TRIM58: variants seen among roughly 807,000 people sequenced by gnomAD.
TRIM58 encodes the protein E3 ubiquitin-protein ligase TRIM58.
In TRIM58, 38 loss-of-function variants were observed where a neutral mutation model predicts 34.1. The ratio of observed to expected loss-of-function variants is 1.12; its 90% confidence interval spans 0.86 to 1.46. The LOEUF (loss-of-function observed/expected upper bound fraction) is 1.46, where lower values mean the gene tolerates loss of function less well. TRIM58 is among the 40% of genes most tolerant of loss of function. TRIM58 has a pLI of 0.00. For missense variants in TRIM58, 677 were observed against 642.0 expected (o/e 1.05, Z -0.59); for synonymous variants, 273 against 275.7 (o/e 0.99, Z 0.10).
At position 247,864,790 on chromosome 1, in the gene TRIM58, TGAGGCGGCTG is replaced by T. The variant is rs756352053; in HGVS notation, c.610_619del (p.Leu204ArgfsTer23). ...CTGGCCCAGGAGGAGCAACGGCAGC[TGAGGCGGCTG>T]GAGGCGGAGGAGCGAGCGACGCTGC... On this transcript the variant is annotated frameshift_variant, in exon 3 of 6. Coordinates refer to ENST00000366481, the MANE Select transcript of TRIM58 (RefSeq NM_015431.4). LOFTEE classifies it high-confidence loss of function. The T allele has an allele frequency of 3.1e-5, 50 of 1,614,106 alleles. No homozygotes were observed. The East Asian group carries it at 1.1e-3, about 35-fold the overall frequency.
At position 247,864,847 on chromosome 1, in the gene TRIM58, G is replaced by A; in HGVS notation, c.659G>A (p.Ser220Asn). The A allele has an allele frequency of 5.0e-6, 8 of 1,612,864 alleles. No homozygotes were observed. Among genetic ancestry groups the A allele is most frequent in the African/African-American group, 1.3e-5 (1 of 75,034 alleles). ...CTGCAGAGACTGCGGGAGAGCAAGA[G>A]CCGGCTGGTCCAGCAGAGCAAGGCC... ...ATLQRLRESK[S>N]RLVQQSKALK... Residue 220 changes from serine to asparagine, a missense_variant, in exon 3 of 6, where the codon AGC (serine) becomes AAC (asparagine). Coordinates refer to ENST00000366481, the MANE Select transcript of TRIM58 (RefSeq NM_015431.4).
rs566384399 is a variant in TRIM58 at position 247,878,701 on chromosome 1, A to G, written c.*2212A>G. On this transcript the variant is annotated 3_prime_UTR_variant, in exon 6 of 6. Transcript: ENST00000366481. The stretch of plus-strand genomic sequence containing the variant: ...GGGGAAGCCCTGGGTGGGAGGGAGA[A>G]CACCTCCACATGTCTTCTACTCTCT... 1.2e-3 allele frequency among the ~76,000 whole-genome samples: 189 copies of G among 152,210 alleles called. 2 individuals carry two copies. The highest frequency in any genetic ancestry group is 5.8e-3 in the South Asian group (28 of 4,824).
At chr1:247,867,432 G>A (rs1405839672) in intron 3 of TRIM58, among the ~76,000 whole-genome samples, 1 of 152,142 alleles carries the variant, frequency 6.6e-6, no homozygotes, top group African/African-American at 2.4e-5. Context: ...GGTGACTCAC[G>A]CCTGTAATCC....
At chr1:247,860,798 C>T (rs1020879771) in intron 2 of TRIM58, 86 bp downstream of exon 2, 1 of 1,078,848 alleles carries the variant, frequency 9.3e-7, no homozygotes, top group Non-Finnish European at 1.4e-6. Flanking sequence ...CTTCCATTCT[C>T]CAGCACTTTT....
chr1:247,878,540 T>G lies in TRIM58; in HGVS notation c.*2051T>G, dbSNP rs1203063490. 6.6e-6 allele frequency among the ~76,000 whole-genome samples: 1 copy of G among 152,228 alleles called. No homozygotes were observed. The highest frequency in any genetic ancestry group is 1.5e-5 in the Non-Finnish European group (1 of 68,044). ...TCTTCTTGGTGTTCCACAGGCCATG[T>G]GTGCCCTAGCCCTCGTTCATGCAAG... On this transcript the variant is annotated 3_prime_UTR_variant, in exon 6 of 6. Transcript: ENST00000366481.
chr1:247,865,875 CG>C (rs552786471), intron 3 of TRIM58, among the ~76,000 whole-genome samples: 14 of 152,276 alleles, frequency 9.2e-5, no homozygotes, highest in African/African-American at 2.9e-4. Flanking sequence ...AGCTGACCCA[CG>C]GATTCCACCT....
chr1:247,869,317 G>A (rs980902091), intron 5 of TRIM58, among the ~76,000 whole-genome samples: 1 of 152,170 alleles, frequency 6.6e-6, no homozygotes, highest in African/African-American at 2.4e-5. Context: ...AGAGGTGGGG[G>A]GGGGTGAGGC....
chr1:247,874,028 G>A (rs1659214081), intron 5 of TRIM58, among the ~76,000 whole-genome samples: 1 of 135,604 alleles, frequency 7.4e-6, no homozygotes, highest in African/African-American at 3.6e-5. Context: ...AGTGGTAGTA[G>A]CAGTAGCAGT....
chr1:247,869,955 T>C (rs1659060190), intron 5 of TRIM58, among the ~76,000 whole-genome samples: 1 of 152,146 alleles, frequency 6.6e-6, no homozygotes. Flanking sequence ...TTTAGGGAGA[T>C]AGTAAATGAT....
Position 247,876,101 on chromosome 1 carries a change from G to T in TRIM58, c.1073G>T (p.Trp358Leu). ...GTTCTGGTGGGAGAAGGAGCAGAGT[G>T]GGGTTTAGGGGTCTGTCAAGACACA... Reference protein sequence around the residue: ...WEVLVGEGAEWGLGVCQDTLP... With the variant: ...WEVLVGEGAELGLGVCQDTLP... The change falls in exon 6 of 6, where the codon TGG (tryptophan) becomes TTG (leucine). Residue 358 changes from tryptophan to leucine, a missense_variant. Physicochemically the swap from Trp to Leu is moderately conservative, Grantham distance 61 (BLOSUM62 -2). Transcript: ENST00000366481. 1 of 1,614,208 alleles carries T rather than the reference G, an allele frequency of 6.2e-7. No individual in the cohort carries two copies.
At chr1:247,860,280 A>G (rs1437938446) in intron 1 of TRIM58, among the ~76,000 whole-genome samples, 3 of 152,096 alleles carry the variant, frequency 2.0e-5, no homozygotes, top group Non-Finnish European at 4.4e-5. Context: ...CCTGGGCAAT[A>G]TAGTAAGACC....
chr1:247,876,229 C>T lies in TRIM58; in HGVS notation c.1201C>T (p.Pro401Ser), dbSNP rs754546681. ...EYMVLASPSV[P>S]LLQLESPRCI... is the part of the protein sequence containing the mutation. Reference sequence around the variant, plus strand: ...CATGGTCCTTGCCTCCCCATCAGTGCCTCTTCTCCAACTGGAAAGTCCTCG... The same window carrying T: ...CATGGTCCTTGCCTCCCCATCAGTGTCTCTTCTCCAACTGGAAAGTCCTCG... The change falls in exon 6 of 6, where the codon CCT (proline) becomes TCT (serine). Residue 401 changes from proline to serine, a missense_variant. Transcript: ENST00000366481. 6.2e-7 allele frequency: 1 copy of T among 1,614,192 alleles called. No homozygotes were observed. The highest frequency in any genetic ancestry group is 2.2e-5 in the East Asian group (1 of 44,888).
At chr1:247,863,854 G>A (rs113689808) in intron 2 of TRIM58, among the ~76,000 whole-genome samples, 6 of 152,288 alleles carry the variant, frequency 3.9e-5, no homozygotes, top group African/African-American at 9.6e-5. Context: ...ATTCTCTGAC[G>A]TGAACTCTGA....
Position 247,857,384 on chromosome 1 carries a change from G to A in TRIM58, c.138G>A (p.Lys46=), listed in dbSNP as rs781703471. ...GGTGCATCTCCGAGTTCTGCGAGAA[G>A]TCGGACGGCGCGCAGGGCGGCGTCT... ...CLRCISEFCE[K]SDGAQGGVYA... is the part of the protein sequence containing the mutation. The change falls in exon 1 of 6, where the codon AAG becomes AAA. Residue 46 remains lysine, a synonymous_variant. Transcript: ENST00000366481. 2.6e-6 allele frequency: 4 copies of A among 1,526,014 alleles called. No homozygotes were observed. The East Asian group carries it at 8.1e-5, about 31-fold the overall frequency. 94.5% of individuals were successfully genotyped at this position (1,526,014 alleles called of 1,614,324 possible).
chr1:247,862,692 A>G (rs192549691), intron 2 of TRIM58, among the ~76,000 whole-genome samples: 3 of 152,306 alleles, frequency 2.0e-5, no homozygotes, highest in African/African-American at 7.2e-5. Flanking sequence ...GATTATTCTT[A>G]AGTAGGGATG....
In TRIM58 at chr1:247,857,524, C is replaced by G. The variant is rs1409566399; in HGVS notation, c.278C>G (p.Ala93Gly). ...CTGGGGTTGGGCGCGGGGCCCGGGG[C>G]GCGGCGATGCGCGCGGCACGGCGAG... The part of the protein sequence containing the change: ...RRLGLGAGPG[A>G]RRCARHGEDL... The change falls in exon 1 of 6, where the codon GCG becomes GGG. Residue 93 changes from alanine (A) to glycine (G), a missense_variant. Ala to Gly is a moderately conservative substitution (Grantham distance 60, BLOSUM62 0). Coordinates refer to ENST00000366481, the MANE Select transcript of TRIM58 (RefSeq NM_015431.4). 3 of 1,280,900 alleles carry G rather than the reference C, an allele frequency of 2.3e-6. No individual in the cohort carries two copies. The highest frequency in any genetic ancestry group is 1.5e-5 in the African/African-American group (1 of 64,530). 79.3% of individuals were successfully genotyped at this position (1,280,900 alleles called of 1,614,324 possible).
In TRIM58 at chr1:247,876,333, A is replaced by G. The variant is rs778226836; in HGVS notation, c.1305A>G (p.Thr435=). ...YNVTDGSYIY[T]FNQLFSGLLR... The stretch of plus-strand genomic sequence containing the variant: ...TCACAGATGGATCTTATATCTACAC[A>G]TTCAACCAACTCTTCTCTGGTCTTC... Residue 435 remains threonine, a synonymous_variant, in exon 6 of 6, where the codon ACA becomes ACG. Coordinates refer to ENST00000366481, the MANE Select transcript of TRIM58 (RefSeq NM_015431.4). The G allele has an allele frequency of 2.5e-6, 4 of 1,614,214 alleles. No individual in the cohort carries two copies. The East Asian group carries it at 6.7e-5, about 27-fold the overall frequency.
At chr1:247,868,940 C>A (rs1457951432) in intron 5 of TRIM58, among the ~76,000 whole-genome samples, 1 of 152,088 alleles carries the variant, frequency 6.6e-6, no homozygotes, top group African/African-American at 2.4e-5. Context: ...TACTCTGTCG[C>A]CCAGGCTGGA....
Position 247,877,419 on chromosome 1 carries a change from A to AAAAT in TRIM58, c.*933_*934insTAAA, listed in dbSNP as rs1377740081. The AAAAT allele has an allele frequency of 6.6e-6, 1 of 151,856 alleles. No homozygotes were observed. Among genetic ancestry groups the AAAAT allele is most frequent in the Non-Finnish European group, 1.5e-5 (1 of 67,950 alleles). 9.4% of individuals were successfully genotyped at this position (151,856 alleles called of 1,614,324 possible). A position where few individuals can be genotyped will look rare whatever the true frequency, so the allele number is the denominator to read the frequency against. On this transcript the variant is annotated 3_prime_UTR_variant, in exon 6 of 6. Coordinates refer to ENST00000366481, the MANE Select transcript of TRIM58 (RefSeq NM_015431.4). Reference sequence around the variant, plus strand: ...AACCCTGTCTCTACTAAAAAAAAAAAAAAAATAGAAAAATTAGCTGGGCAT... The same window carrying AAAAT: ...AACCCTGTCTCTACTAAAAAAAAAAAAAATAAAAATAGAAAAATTAGCTGGGCAT...
Sources: gnomAD v4.1 joint callset for allele counts (sites outside exome capture counted in the v4.1 genomes callset) on GRCh38, gnomAD v4.1.1 for gene constraint, MANE v1.5 for transcripts, NCBI Gene and HGNC (gene_info 2026-07-23, HGNC 2026-07-21) for gene names.